ADCY4: variants seen among roughly 807,000 people sequenced by gnomAD.
ADCY4 encodes the protein adenylate cyclase 4.
A neutral mutation model predicts 125.5 loss-of-function variants in ADCY4; 111 were observed. The ratio of observed to expected loss-of-function variants is 0.88; its 90% confidence interval spans 0.76 to 1.04. The LOEUF (loss-of-function observed/expected upper bound fraction) is 1.04. Ranked by LOEUF, ADCY4 falls within the 50% of genes least tolerant of loss-of-function variation. ADCY4 has a pLI of 0.00. For missense variants in ADCY4, 1,256 were observed against 1,382.9 expected (o/e 0.91, Z 1.46); for synonymous variants, 576 against 586.9 (o/e 0.98, Z 0.27).
At chr14:24,333,136 C>T (rs905522635) in intron 1 of ADCY4, 148 bp from the exon 2 acceptor site, 41 of 711,474 alleles carry the variant, frequency 5.8e-5, no homozygotes, top group African/African-American at 3.5e-4. Context: ...CTCCGCTTGC[C>T]ATTCACTTTA....
intron 11 of ADCY4, 24 bp from the exon 12 acceptor site, chr14:24,326,189 T>C: frequency 6.2e-7 from 1 of 1,608,602 alleles, no homozygotes; most frequent in South Asian, 1.1e-5. Flanking sequence ...GCCAAGTCCA[T>C]CACCACAGAG....
At position 24,332,684 on chromosome 14, in the gene ADCY4, C is replaced by A; in HGVS notation, c.358-1G>T. 1 of 1,585,072 alleles carries A rather than the reference C, an allele frequency of 6.3e-7. No individual in the cohort carries two copies. ...AGATGACGAAGAGAAAATAGGACAC[C>A]TGGGGGCGGGGCGCGGGAAGCCGAA... On this transcript the variant is annotated splice_acceptor_variant, in intron 2 of 24. Coordinates refer to ENST00000418030, the MANE Select transcript of ADCY4 (RefSeq NM_001198568.2). LOFTEE classifies it high-confidence loss of function.
At chr14:24,325,310 C>G (rs1050831963) in intron 14 of ADCY4, 67 bp downstream of exon 14, 4 of 1,365,362 alleles carry the variant, frequency 2.9e-6, no homozygotes, top group Middle Eastern at 1.8e-4. Flanking sequence ...AAGTGTGGCC[C>G]GGGGTCATGA....
rs979428667 is a variant in ADCY4, at chr14:24,326,887, C to T, written c.1525-545G>A. Among the ~76,000 whole-genome samples the T allele has an allele frequency of 4.7e-5, 6 of 127,964 alleles. 1 individual carries two copies. The highest frequency in any genetic ancestry group is 6.3e-5 in the Non-Finnish European group (4 of 63,406). 83.9% of individuals were successfully genotyped at this position (127,964 alleles called of 152,430 possible). On this transcript the variant is annotated intron_variant, in intron 10 of 24. Coordinates refer to ENST00000418030, the MANE Select transcript of ADCY4 (RefSeq NM_001198568.2). The stretch of plus-strand genomic sequence containing the variant: ...GGGATTATAGGCATGAGCCACCGTA[C>T]CTGGCTGGATTTTTTTTTTTTTTTT...
In ADCY4 at chr14:24,332,914, G is replaced by A. The variant is rs922153554; in HGVS notation, c.234C>T (p.Leu78=). Residue 78 remains leucine (L), a synonymous_variant, in exon 2 of 25, where the codon CTC becomes CTT. Transcript: ENST00000418030. ...GCTGCAGTCGCTGCTCCCGGGAAGCGAGGCCCAGCAGCAGCGAGAAGCCGC... is the reference window on the plus strand; with the variant it reads ...GCTGCAGTCGCTGCTCCCGGGAAGCAAGGCCCAGCAGCAGCGAGAAGCCGC... ...ALGGFSLLLG[L]ASREQRLQRW... is the part of the protein sequence containing the mutation. The A allele has an allele frequency of 3.7e-6, 6 of 1,604,410 alleles. No homozygotes were observed. The highest frequency in any genetic ancestry group is 1.1e-5 in the South Asian group (1 of 90,494).
At chr14:24,323,740 T>C (rs2041893893) in intron 16 of ADCY4, 2 of 833,546 alleles carry the variant, frequency 2.4e-6, no homozygotes, top group Non-Finnish European at 1.4e-6. Flanking sequence ...ACTTGGCTGG[T>C]GGGTGATTCC....
Position 24,322,633 on chromosome 14 carries a change from C to T in ADCY4, c.2418G>A (p.Leu806=), listed in dbSNP as rs148466097. Residue 806 remains leucine, a synonymous_variant, in exon 19 of 25, where the codon CTG becomes CTA. Transcript: ENST00000418030. ...FFIFFFTLLV[L]ARQNEYYCRL... ...GAGCTGGGTGACTTACCTGGCGAGC[C>T]AGGACAAGGAGGGTGAAGAAGAAGA... The T allele has an allele frequency of 6.2e-7, 1 of 1,613,980 alleles. No individual in the cohort carries two copies. The highest frequency in any genetic ancestry group is 8.5e-7 in the Non-Finnish European group (1 of 1,180,008).
rs2042065264 is a variant in ADCY4, at chr14:24,332,780, GC to G, written c.357+10del. ...GGCCGTCCCCGCTGCCCCGCCTGCC[GC>G]CCCTCTCACCTGGTCCCAGGCGCTC... On this transcript the variant is annotated intron_variant, in intron 2 of 24. Transcript: ENST00000418030. The G allele has an allele frequency of 6.5e-7, 1 of 1,540,464 alleles. No individual in the cohort carries two copies. Among genetic ancestry groups the G allele is most frequent in the African/African-American group, 1.4e-5 (1 of 73,408 alleles).
intron 16 of ADCY4, 48 bp downstream of exon 16, chr14:24,324,013 AG>A: frequency 6.3e-7 from 1 of 1,592,778 alleles, no homozygotes; most frequent in Non-Finnish European, 8.6e-7. Flanking sequence ...AGTCCCTGGC[AG>A]GTCCAACATG....
intron 3 of ADCY4, 197 bp from the exon 4 acceptor site, chr14:24,332,134 C>A (rs2042050856): frequency 3.3e-6 from 2 of 609,996 alleles, no homozygotes; most frequent in Non-Finnish European, 5.0e-6. Context: ...AGACTCTCGG[C>A]TGCTTCACCA....
intron 1 of ADCY4, among the ~76,000 whole-genome samples, chr14:24,333,708 C>A (rs907754746): frequency 6.6e-6 from 1 of 152,256 alleles, no homozygotes; most frequent in Non-Finnish European, 1.5e-5. Context: ...GTCTCCAAAT[C>A]TGGCCAATTT....
In ADCY4 at chr14:24,331,784, T is replaced by C; in HGVS notation, c.669+4A>G. 1 of 1,574,586 alleles carries C rather than the reference T, an allele frequency of 6.4e-7. No homozygotes were observed. Among genetic ancestry groups the C allele is most frequent in the Non-Finnish European group, 8.7e-7 (1 of 1,153,918 alleles). On this transcript the variant is annotated splice_donor_region_variant and intron_variant, in intron 4 of 24. Coordinates refer to ENST00000418030, the MANE Select transcript of ADCY4 (RefSeq NM_001198568.2). ...CTGCTCTGACCTTCCTAGGCCCGGC[T>C]GACCTGGTGCTTCTTCTCGGTGTCC...
chr14:24,327,315 T>G (rs557285236), intron 10 of ADCY4, among the ~76,000 whole-genome samples: 1 of 152,200 alleles, frequency 6.6e-6, no homozygotes, highest in East Asian at 1.9e-4. Flanking sequence ...TCCACCCTAA[T>G]ACTCCCTAGC....
chr14:24,326,919 G>C lies in ADCY4; in HGVS notation c.1525-577C>G, dbSNP rs187823299. On this transcript the variant is annotated intron_variant, in intron 10 of 24. Transcript: ENST00000418030. Reference sequence around the variant, plus strand: ...GGATTTTTTTTTTTTTTTTTGCAACGGAGTTTCGCTCTTGTTGCCCAGGCT... The same window carrying C: ...GGATTTTTTTTTTTTTTTTTGCAACCGAGTTTCGCTCTTGTTGCCCAGGCT... Among the ~76,000 whole-genome samples, 138 of 48,954 alleles carry C rather than the reference G, an allele frequency of 2.8e-3. 4 individuals carry two copies. The highest frequency in any genetic ancestry group is 0.023 in the Middle Eastern group (1 of 44). 32.1% of individuals were successfully genotyped at this position (48,954 alleles called of 152,430 possible).
In ADCY4 at chr14:24,332,618, G is replaced by A. The variant is rs150303222; in HGVS notation, c.423C>T (p.Ala141=). ...GTGAGGAGGCGAGGCCCGCGACGGC[G>A]GCGTCCCGCATGCCCAAGGGCAGCA... The part of the protein sequence containing the change: ...YAMLPLGMRD[A]AVAGLASSLS... The change falls in exon 3 of 25, where the codon GCC becomes GCT. Residue 141 remains alanine (A), a synonymous_variant. Transcript: ENST00000418030. The A allele has an allele frequency of 2.3e-5, 37 of 1,581,476 alleles. No homozygotes were observed. Among genetic ancestry groups the A allele is most frequent in the Non-Finnish European group, 3.0e-5 (35 of 1,163,844 alleles).
intron 2 of ADCY4, 52 bp downstream of exon 2, chr14:24,332,739 G>A (rs1286790082): frequency 6.5e-7 from 1 of 1,545,142 alleles, no homozygotes; most frequent in Non-Finnish European, 8.8e-7. Flanking sequence ...AAGGCCTGGT[G>A]AGGGATCGAA....
At chr14:24,322,762 T>C (rs2041874334) in intron 18 of ADCY4, 54 bp from the exon 19 acceptor site, 6 of 1,590,862 alleles carry the variant, frequency 3.8e-6, no homozygotes, top group Non-Finnish European at 4.3e-6. Context: ...CCTGGCCTTC[T>C]CCCTGCCCCC....
intron 20 of ADCY4, chr14:24,321,695 T>C: frequency 1.7e-6 from 1 of 592,068 alleles, no homozygotes. Flanking sequence ...GCTCAGGCGG[T>C]AGTGCTGGCT....
rs1176982339 is a variant in ADCY4, at chr14:24,318,524, G to C, written c.3126C>G (p.Thr1042=). 3.1e-6 allele frequency: 5 copies of C among 1,614,194 alleles called. No individual in the cohort carries two copies. The highest frequency in any genetic ancestry group is 4.2e-6 in the Non-Finnish European group (5 of 1,180,030). The change falls in exon 25 of 25, where the codon ACC becomes ACG. Residue 1042 remains threonine (T), a synonymous_variant. Transcript: ENST00000418030. ...CCTTGATGACACCCCGGCTGTAGCAGGTGTAGCCCAGGGACTGTAGGGCCC... is the reference window on the plus strand; with the variant it reads ...CCTTGATGACACCCCGGCTGTAGCACGTGTAGCCCAGGGACTGTAGGGCCC... ...TAWALQSLGY[T]CYSRGVIKVK...
Sources: gnomAD v4.1 joint callset for allele counts (sites outside exome capture counted in the v4.1 genomes callset) on GRCh38, gnomAD v4.1.1 for gene constraint, MANE v1.5 for transcripts, NCBI Gene and HGNC (gene_info 2026-07-23, HGNC 2026-07-21) for gene names.